Variants in OR1J2 observed in about 807,000 individuals in gnomAD.
OR1J2 encodes olfactory receptor family 1 subfamily J member 2, also known as olfactory receptor 1J2.
For synonymous variants in OR1J2, 142 were observed against 99.7 expected, an observed-to-expected ratio of 1.42 and a Z score of -2.52; for missense variants, 304 against 246.1, an observed-to-expected ratio of 1.24 and a Z score of -1.57.
At chr9:122,457,882 ACTCTAT>A in the OR1J2 span, among the ~76,000 whole-genome samples, 5 of 152,052 alleles carry the variant, frequency 3.3e-5, no homozygotes, top group East Asian at 1.9e-4. Flanking sequence ...ACCACAAAAT[ACTCTAT>A]CTCTATTAAA....
At chr9:122,535,725 T>G in the OR1J2 span, among the ~76,000 whole-genome samples, 9 of 152,104 alleles carry the variant, frequency 5.9e-5, no homozygotes, top group South Asian at 1.2e-3. Flanking sequence ...GGTCCCCTGA[T>G]CCGAGTCATG....
At chr9:122,542,051 C>T in the OR1J2 span, among the ~76,000 whole-genome samples, 1 of 152,158 alleles carries the variant, frequency 6.6e-6, no homozygotes, top group African/African-American at 2.4e-5. Context: ...TTAGTTTTGT[C>T]TGTTTTTGAA....
the OR1J2 span, among the ~76,000 whole-genome samples, chr9:122,466,399 A>G: frequency 2.0e-5 from 3 of 152,160 alleles, no homozygotes; most frequent in African/African-American, 7.2e-5. Context: ...TGCCGAATCT[A>G]CTCAAGTAGG....
the OR1J2 span, among the ~76,000 whole-genome samples, chr9:122,564,339 A>G: frequency 2.0e-5 from 3 of 152,184 alleles, no homozygotes; most frequent in South Asian, 2.1e-4. Flanking sequence ...TCTAATATGC[A>G]TAATTAGAAT....
the OR1J2 span, among the ~76,000 whole-genome samples, chr9:122,571,049 C>T: frequency 6.6e-6 from 1 of 152,184 alleles, no homozygotes; most frequent in South Asian, 2.1e-4. Context: ...TACAATCGTG[C>T]ATTGGTGCTA....
chr9:122,454,568 C>T, the OR1J2 span, among the ~76,000 whole-genome samples: 1 of 152,028 alleles, frequency 6.6e-6, no homozygotes, highest in Non-Finnish European at 1.5e-5. Flanking sequence ...ATTTTATGAT[C>T]TCTTTCCATT....
the OR1J2 span, among the ~76,000 whole-genome samples, chr9:122,569,760 T>C: frequency 4.8e-4 from 73 of 152,254 alleles, no homozygotes; most frequent in African/African-American, 1.6e-3. Context: ...ACATGTGCCA[T>C]GCTTGTGTGC....
chr9:122,578,238 C>T, the OR1J2 span: 1 of 152,130 alleles, frequency 6.6e-6, no homozygotes, highest in Non-Finnish European at 1.5e-5. Flanking sequence ...ATCATGAGGT[C>T]AGGAGTTTGA....
downstream of OR1J2, among the ~76,000 whole-genome samples, chr9:122,513,720 G>T (rs540470660): frequency 1.3e-5 from 2 of 151,894 alleles, no homozygotes. Context: ...AGGCCCTGGT[G>T]TGTGATGTTC....
At chr9:122,464,304 C>G in the OR1J2 span, among the ~76,000 whole-genome samples, 2 of 152,200 alleles carry the variant, frequency 1.3e-5, no homozygotes, top group Admixed American at 1.3e-4. Flanking sequence ...GGTGCTCCCC[C>G]GCCCCCACCG....
chr9:122,553,017 T>C, the OR1J2 span: 11 of 658,754 alleles, frequency 1.7e-5, no homozygotes, highest in African/African-American at 1.8e-4. Flanking sequence ...AACTGTTCTC[T>C]AAATGTCTCT....
At chr9:122,553,728 G>T in the OR1J2 span, 1 of 1,613,792 alleles carries the variant, frequency 6.2e-7, no homozygotes, top group Non-Finnish European at 8.5e-7. Context: ...GGCTTTCTGT[G>T]CCCAGAAAGC....
At chr9:122,556,282 CT>C in the OR1J2 span, among the ~76,000 whole-genome samples, 10,598 of 144,266 alleles carry the variant, frequency 0.073, 477 homozygotes, top group African/African-American at 0.12. Flanking sequence ...TGTCTAGATT[CT>C]TTTTTTTTTT....
chr9:122,568,068 A>G, the OR1J2 span: 2 of 1,614,048 alleles, frequency 1.2e-6, no homozygotes, highest in South Asian at 1.1e-5. Flanking sequence ...GTGGTGGCTC[A>G]TGGTGGTGAC....
At chr9:122,556,285 T>TA in the OR1J2 span, among the ~76,000 whole-genome samples, 1 of 146,358 alleles carries the variant, frequency 6.8e-6, no homozygotes, top group Non-Finnish European at 1.5e-5. Flanking sequence ...CTAGATTCTT[T>TA]TTTTTTTTTC....
the OR1J2 span, chr9:122,553,716 G>A: frequency 4.2e-5 from 68 of 1,613,794 alleles, no homozygotes; most frequent in South Asian, 4.9e-4. Context: ...GCTGACCCGC[G>A]TGGCTTTCTG....
At chr9:122,570,350 C>A in the OR1J2 span, among the ~76,000 whole-genome samples, 1 of 152,190 alleles carries the variant, frequency 6.6e-6, no homozygotes, top group Non-Finnish European at 1.5e-5. Context: ...TGTGAAACAA[C>A]TTCTTTACAG....
At chr9:122,519,977 G>A in the OR1J2 span, 8 of 1,614,132 alleles carry the variant, frequency 5.0e-6, no homozygotes, top group East Asian at 4.5e-5. Flanking sequence ...TGATGTACAC[G>A]GTGATCACCC....
the OR1J2 span, chr9:122,519,165 G>A: frequency 5.1e-5 from 82 of 1,609,076 alleles, no homozygotes; most frequent in Non-Finnish European, 6.7e-5. Context: ...TCAGAGCAGT[G>A]TGTCTGAGTT....
Sources: allele counts gnomAD v4.1 joint callset (sites outside exome capture counted in the v4.1 genomes callset), GRCh38; gene constraint gnomAD v4.1.1; transcripts MANE v1.5; gene names NCBI Gene and HGNC (gene_info 2026-07-23, HGNC 2026-07-21).